FUZ: variants seen among roughly 807,000 people sequenced by gnomAD.
FUZ encodes the protein fuzzy planar cell polarity protein.
A neutral mutation model predicts 43.1 loss-of-function variants in FUZ; 31 were observed. That is an observed-to-expected ratio of 0.72 (90% CI 0.54 to 0.97). The LOEUF is 0.97. FUZ is among the 50% of genes least tolerant of loss of function. The pLI, the probability that FUZ is intolerant of heterozygous loss-of-function variation, is 0.00. For missense variants in FUZ, 539 were observed against 543.8 expected (o/e 0.99, Z 0.09); for synonymous variants, 274 against 250.0 (o/e 1.10, Z -0.91).
In FUZ at chr19:49,807,119, C is replaced by T; in HGVS notation, c.*32G>A. ...ATAAACAGAGAGACGCTAACAGCCC[C>T]ATGTCTGTGTCCATCACCCACTGCT... On this transcript the variant is annotated 3_prime_UTR_variant, in exon 11 of 11. Transcript: ENST00000313777. 6.2e-7 allele frequency: 1 copy of T among 1,611,608 alleles called. No individual in the cohort carries two copies. The highest frequency in any genetic ancestry group is 8.5e-7 in the Non-Finnish European group (1 of 1,179,546).
In FUZ at chr19:49,813,018, C is replaced by A. The variant is rs1211783426; in HGVS notation, c.89G>T (p.Gly30Val). The change falls in exon 1 of 11, where the codon GGC becomes GTC. Residue 30 changes from glycine (G) to valine (V), a missense_variant. Physicochemically the swap from Gly to Val is moderately radical, Grantham distance 109 (BLOSUM62 -3). Transcript: ENST00000313777. The stretch of plus-strand genomic sequence containing the variant: ...CACCTGCTGACGGGCGGGGGCGCCG[C>A]CGCGACTGCTCCTGCAGAATAGGGG... The part of the protein sequence containing the change: ...GVPLFCRSSR[G>V]GAPARQQLPF... 1.9e-6 allele frequency: 3 copies of A among 1,551,164 alleles called. No individual in the cohort carries two copies. The highest frequency in any genetic ancestry group is 2.0e-5 in the Admixed American group (1 of 51,000).
intron 3 of FUZ, 138 bp downstream of exon 3, chr19:49,812,113 A>AAAAC (rs141672550): frequency 1.4e-4 from 102 of 745,188 alleles, no homozygotes; most frequent in Non-Finnish European, 2.0e-4. Flanking sequence ...GTCTCAAAAC[A>AAAAC]AAACAAACAA....
intron 10 of FUZ, 139 bp downstream of exon 10, chr19:49,808,275 C>T (rs2073509268): frequency 1.1e-6 from 1 of 886,630 alleles, no homozygotes; most frequent in Admixed American, 2.0e-5. Flanking sequence ...GCTCAGATCT[C>T]AAGGAAAACC....
Position 49,807,126 on chromosome 19 carries a change from G to A in FUZ, c.*25C>T, listed in dbSNP as rs745674546. ...GAGAGACGCTAACAGCCCCATGTCT[G>A]TGTCCATCACCCACTGCTAGGTAGT... On this transcript the variant is annotated 3_prime_UTR_variant, in exon 11 of 11. Transcript: ENST00000313777. 1.9e-6 allele frequency: 3 copies of A among 1,611,060 alleles called. No homozygotes were observed. Among genetic ancestry groups the A allele is most frequent in the East Asian group, 4.5e-5 (2 of 44,690 alleles).
Position 49,807,020 on chromosome 19 carries a change from T to TTC in FUZ, c.*130_*131insGA. ...AGGGGCCAGGGAAGTGGATGTCTCC[T>TTC]CCCCTCCCACCCCACCCTGTTGTAG... is the stretch of plus-strand genomic sequence containing the variant. On this transcript the variant is annotated 3_prime_UTR_variant, in exon 11 of 11. Coordinates refer to ENST00000313777, the MANE Select transcript of FUZ (RefSeq NM_025129.5). 1.5e-6 allele frequency: 2 copies of TTC among 1,338,566 alleles called. No homozygotes were observed. 82.9% of individuals were successfully genotyped at this position (1,338,566 alleles called of 1,614,324 possible).
At position 49,808,486 on chromosome 19, in the gene FUZ, G is replaced by T. The variant is rs368976939; in HGVS notation, c.961C>A (p.Pro321Thr). The T allele has an allele frequency of 1.2e-6, 2 of 1,611,354 alleles. No individual in the cohort carries two copies. The highest frequency in any genetic ancestry group is 1.7e-6 in the Non-Finnish European group (2 of 1,179,144). Residue 321 changes from proline (P) to threonine (T), a missense_variant and splice_region_variant, in exon 10 of 11, where the codon CCT becomes ACT. Transcript: ENST00000313777. ...FTVEPLGDKE[P>T]SPEQRRRLLR... ...AGGCGCCGGCGCTGTTCTGGTGAAG[G>T]CTCTGCTGGGAGGAAAAGGCGGTGA... is the stretch of plus-strand genomic sequence containing the variant.
intron 5 of FUZ, among the ~76,000 whole-genome samples, chr19:49,810,298 C>T (rs1437359003): frequency 6.6e-6 from 1 of 151,834 alleles, no homozygotes; most frequent in African/African-American, 2.4e-5. Context: ...GGGAGGACTG[C>T]TTGAGCCCAG....
chr19:49,811,524 C>A, intron 4 of FUZ, 57 bp from the exon 5 acceptor site: 4 of 1,586,294 alleles, frequency 2.5e-6, no homozygotes, highest in Non-Finnish European at 3.5e-6. Context: ...GTCAGACAAC[C>A]AAGAACCTGT....
Position 49,811,637 on chromosome 19 carries a change from G to T in FUZ, c.381C>A (p.Asp127Glu). The T allele has an allele frequency of 1.2e-6, 2 of 1,614,096 alleles. No homozygotes were observed. Among genetic ancestry groups the T allele is most frequent in the Non-Finnish European group, 1.7e-6 (2 of 1,179,934 alleles). ...TCATGTCCTGCAACCTCACCCTCAA[G>T]TCCTTCTTCAGTCTCTCCACGTTGC... ...NIRNVERLKK[D>E]LRASYCLIDS... The change falls in exon 4 of 11, where the codon GAC (aspartate) becomes GAA (glutamate). Residue 127 changes from aspartate to glutamate, a missense_variant. By Grantham distance (45) the Asp-to-Glu change is conservative. Transcript: ENST00000313777.
intron 5 of FUZ, chr19:49,810,989 A>C: frequency 2.8e-6 from 1 of 359,032 alleles, no homozygotes; most frequent in Admixed American, 4.0e-5. Flanking sequence ...GTCTCTACTA[A>C]AAATACAAAA....
At position 49,809,092 on chromosome 19, in the gene FUZ, A is replaced by C; in HGVS notation, c.786+71T>G. On this transcript the variant is annotated intron_variant, in intron 7 of 10. Transcript: ENST00000313777. The surrounding 1 kb of genome is among the most constrained non-coding windows in gnomAD (Gnocchi z 5.1). ...TGGGGAAAGATGCCGCTGGCAGGGCAGGGTGGTGGGGAAGGGCCCTCCTGG... is the reference window on the plus strand; with the variant it reads ...TGGGGAAAGATGCCGCTGGCAGGGCCGGGTGGTGGGGAAGGGCCCTCCTGG... 3 of 1,364,700 alleles carry C rather than the reference A, an allele frequency of 2.2e-6. No homozygotes were observed. The highest frequency in any genetic ancestry group is 2.5e-5 in the South Asian group (2 of 80,284). The allele number at this position is 1,364,700 out of a possible 1,614,324, so 84.5% of individuals were successfully genotyped here. A position where few individuals can be genotyped will look rare whatever the true frequency, so the allele number is the denominator to read the frequency against.
At chr19:49,808,328 C>T (rs2073513951) in intron 10 of FUZ, 86 bp downstream of exon 10, 2 of 1,410,120 alleles carry the variant, frequency 1.4e-6, no homozygotes, top group Middle Eastern at 2.1e-4. Flanking sequence ...TCCGGATCCT[C>T]CAACCCCACC....
At chr19:49,812,579 A>C (rs2073844741) in intron 2 of FUZ, 36 bp downstream of exon 2, 2 of 1,613,892 alleles carry the variant, frequency 1.2e-6, no homozygotes, top group East Asian at 4.5e-5. Context: ...ACTATCACCC[A>C]GGCCCTGTCC....
intron 10 of FUZ, 129 bp from the exon 11 acceptor site, chr19:49,807,503 G>T: frequency 1.1e-6 from 1 of 924,538 alleles, no homozygotes; most frequent in Non-Finnish European, 1.7e-6. Flanking sequence ...CTCCTGCCAG[G>T]GGAGGGCCTC....
chr19:49,807,941 A>G (rs1426642371), intron 10 of FUZ, among the ~76,000 whole-genome samples: 8 of 152,196 alleles, frequency 5.3e-5, no homozygotes, highest in Admixed American at 5.2e-4. Flanking sequence ...ATCCTCCTCC[A>G]TACCCTCAGC....
chr19:49,811,419 C>T lies in FUZ; in HGVS notation c.436G>A (p.Gly146Arg), dbSNP rs139116714. 165 of 1,613,620 alleles carry T rather than the reference C, an allele frequency of 1.0e-4. No individual in the cohort carries two copies. The highest frequency in any genetic ancestry group is 1.3e-4 in the Non-Finnish European group (149 of 1,179,852). ...CAGTCCACACACTGGGTCAGGTCCC[C>T]GATGAGCTCCGAGTCCCCCAGGAAG... is the stretch of plus-strand genomic sequence containing the variant. Reference protein sequence around the residue: ...DSFLGDSELIGDLTQCVDCVI... With the variant: ...DSFLGDSELIRDLTQCVDCVI... The change falls in exon 5 of 11, where the codon GGG becomes AGG. Residue 146 changes from glycine (G) to arginine (R), a missense_variant. Transcript: ENST00000313777.
chr19:49,809,359 G>C lies in FUZ; in HGVS notation c.690+19C>G. 1 of 1,545,018 alleles carries C rather than the reference G, an allele frequency of 6.5e-7. No individual in the cohort carries two copies. The highest frequency in any genetic ancestry group is 8.7e-7 in the Non-Finnish European group (1 of 1,146,774). On this transcript the variant is annotated intron_variant, in intron 6 of 10. Transcript: ENST00000313777. The surrounding 1 kb of genome is among the most constrained non-coding windows in gnomAD (Gnocchi z 5.1). ...GCCCCCAGGTCACATCCCTCCGTCG[G>C]TGCCCGCCACCCACTCACCGTGGGG...
chr19:49,807,823 T>C (rs924808615), intron 10 of FUZ, among the ~76,000 whole-genome samples: 3 of 152,214 alleles, frequency 2.0e-5, no homozygotes, highest in Non-Finnish European at 2.9e-5. Flanking sequence ...GCTGCATTCA[T>C]CCGGGCTTCA....
chr19:49,809,480 C>T lies in FUZ; in HGVS notation c.588G>A (p.Arg196=). 6.3e-7 allele frequency: 1 copy of T among 1,581,014 alleles called. No homozygotes were observed. Among genetic ancestry groups the T allele is most frequent in the Non-Finnish European group, 8.6e-7 (1 of 1,167,844 alleles). The change falls in exon 6 of 11, where the codon CGG becomes CGA. Residue 196 remains arginine (R), a synonymous_variant. Transcript: ENST00000313777. This position sits in a 1 kb window ranked among gnomAD's most constrained non-coding sequence, Gnocchi z 5.1. The part of the protein sequence containing the change: ...RVVAATEGWW[R]LGTPEAVLLP... ...GCAGCACGGCCTCGGGCGTCCCCAG[C>T]CGCCACCAACCCTCTGTTGCTGCCA...
Sources: gnomAD v4.1 joint callset for allele counts (sites outside exome capture counted in the v4.1 genomes callset) on GRCh38, gnomAD v4.1.1 for gene constraint, Gnocchi (gnomAD v3.1) non-coding constraint, MANE v1.5 for transcripts, NCBI Gene and HGNC (gene_info 2026-07-23, HGNC 2026-07-21) for gene names.